ATP2B2: variants seen among roughly 807,000 people sequenced by gnomAD.
ATP2B2 encodes the protein plasma membrane calcium-transporting ATPase 2.
ATP2B2 carries 15 observed loss-of-function variants against 120.0 expected under a neutral mutation model. The observed-to-expected ratio is 0.12, with a 90% CI of 0.08 to 0.19. The LOEUF is 0.19. Among genes scored for constraint, ATP2B2 ranks in the 10% least tolerant of loss-of-function variants. The probability of loss-of-function intolerance (pLI) is 1.00; values close to 1 mark genes in which losing one functional copy is unlikely to be tolerated. For missense variants in ATP2B2, 1,045 were observed against 1,719.8 expected, an observed-to-expected ratio of 0.61 and a Z score of 6.94; for synonymous variants, 694 against 700.3, an observed-to-expected ratio of 0.99 and a Z score of 0.14.
At chr3:10,492,470 C>T (rs2065970583) in intron 1 of ATP2B2, among the ~76,000 whole-genome samples, 1 of 152,190 alleles carries the variant, frequency 6.6e-6, no homozygotes, top group South Asian at 2.1e-4. Flanking sequence ...CCCTTGGAGA[C>T]TCTTTCTCTG....
rs1330233433 is a variant in ATP2B2 at position 10,327,714 on chromosome 3, T to A, written c.*1100A>T. 1.3e-5 allele frequency: 2 copies of A among 152,704 alleles called. No homozygotes were observed. The highest frequency in any genetic ancestry group is 2.4e-5 in the African/African-American group (1 of 41,464). The allele number at this position is 152,704 out of a possible 1,614,324, so 9.5% of individuals were successfully genotyped here. On this transcript the variant is annotated 3_prime_UTR_variant, in exon 23 of 23. Transcript: ENST00000360273. Reference sequence around the variant, plus strand: ...CAGATCCTGGCATCCTTGGGCCGGATGGCCGTTAGTGTTGCAAACCCAGGA... The same window carrying A: ...CAGATCCTGGCATCCTTGGGCCGGAAGGCCGTTAGTGTTGCAAACCCAGGA...
intron 3 of ATP2B2, among the ~76,000 whole-genome samples, chr3:10,530,548 C>A (rs2067190830): frequency 6.6e-6 from 1 of 152,178 alleles, no homozygotes; most frequent in African/African-American, 2.4e-5. Flanking sequence ...TGTTCCCTTC[C>A]CTGAGTTTTA....
intron 14 of ATP2B2, among the ~76,000 whole-genome samples, chr3:10,352,023 G>C (rs556267553): frequency 6.6e-6 from 1 of 152,362 alleles, no homozygotes; most frequent in Non-Finnish European, 1.5e-5. Flanking sequence ...TAGAAAACTA[G>C]TACAAAGAGT....
chr3:10,614,572 A>G (rs1293552356), intron 2 of ATP2B2, among the ~76,000 whole-genome samples: 1 of 152,182 alleles, frequency 6.6e-6, no homozygotes. Flanking sequence ...CAGTCTCGTG[A>G]CTTGGGTTTT....
At chr3:10,675,292 C>T (rs1307134213) in intron 1 of ATP2B2, among the ~76,000 whole-genome samples, 1 of 152,238 alleles carries the variant, frequency 6.6e-6, no homozygotes, top group Admixed American at 6.5e-5. Flanking sequence ...TTTCAGTCAT[C>T]TCAGATTAGT....
intron 14 of ATP2B2, among the ~76,000 whole-genome samples, chr3:10,351,427 C>A (rs2060575562): frequency 6.6e-6 from 1 of 152,208 alleles, no homozygotes; most frequent in Admixed American, 6.5e-5. Context: ...TGGGAGAGAA[C>A]ATGTCAAGGG....
Position 10,553,342 on chromosome 3 carries a change from C to T in ATP2B2, c.-414-19209G>A, listed in dbSNP as rs533669203. 1.2e-3 allele frequency among the ~76,000 whole-genome samples: 181 copies of T among 152,240 alleles called. 1 individual carries two copies. Among genetic ancestry groups the T allele is most frequent in the African/African-American group, 4.1e-3 (170 of 41,534 alleles). ...CCTCAGCGCCCTGTTCCATGCCTGA[C>T]ACAGAGAGGGACCTTGAAAAAGCTA... On this transcript the variant is annotated intron_variant, in intron 2 of 21. Coordinates refer to the ATP2B2 transcript ENST00000646379.
In ATP2B2 at chr3:10,660,425, G is replaced by A. The variant is rs375329237; in HGVS notation, c.-459-40464C>T. Among the ~76,000 whole-genome samples, 11 of 152,218 alleles carry A rather than the reference G, an allele frequency of 7.2e-5. No individual in the cohort carries two copies. In the South Asian group the frequency reaches 1.0e-3, roughly 14 times the overall value. On this transcript the variant is annotated intron_variant, in intron 1 of 21. Transcript: ENST00000646379. ...AAATGATAAAGGGGATATCACCAGC[G>A]ATCCCACAGAAATACAAAATACCAT...
chr3:10,441,399 C>T (rs1217961928), intron 2 of ATP2B2, among the ~76,000 whole-genome samples: 1 of 152,128 alleles, frequency 6.6e-6, no homozygotes, highest in African/African-American at 2.4e-5. Flanking sequence ...GCCATCACAC[C>T]CAGCTCATTT....
chr3:10,400,316 A>G (rs2062176104), intron 5 of ATP2B2, among the ~76,000 whole-genome samples: 2 of 152,072 alleles, frequency 1.3e-5, no homozygotes, highest in African/African-American at 2.4e-5. Flanking sequence ...CACTCTCTCT[A>G]TTTCACTGCA....
At chr3:10,436,608 G>A (rs1483854186) in intron 2 of ATP2B2, among the ~76,000 whole-genome samples, 3 of 152,178 alleles carry the variant, frequency 2.0e-5, no homozygotes, top group South Asian at 2.1e-4. Context: ...TTAGTGAGTC[G>A]TGCCACTGAT....
intron 1 of ATP2B2, among the ~76,000 whole-genome samples, chr3:10,644,280 T>C (rs2070254633): frequency 6.6e-6 from 1 of 152,062 alleles, no homozygotes; most frequent in Non-Finnish European, 1.5e-5. Context: ...GGCAAGGGTG[T>C]GGAGAAATTG....
intron 8 of ATP2B2, among the ~76,000 whole-genome samples, chr3:10,381,139 C>T (rs1199703414): frequency 6.6e-6 from 1 of 152,232 alleles, no homozygotes; most frequent in African/African-American, 2.4e-5. Flanking sequence ...TCGCCCAGCA[C>T]TGTCTGTTCA....
chr3:10,344,378 G>T (rs921457544), intron 18 of ATP2B2, among the ~76,000 whole-genome samples: 1 of 152,224 alleles, frequency 6.6e-6, no homozygotes, highest in Non-Finnish European at 1.5e-5. Flanking sequence ...CTGAGCAAAA[G>T]GAAGCCCCCA....
At chr3:10,546,491 G>A (rs1291994539) in intron 2 of ATP2B2, among the ~76,000 whole-genome samples, 1 of 152,098 alleles carries the variant, frequency 6.6e-6, no homozygotes, top group Non-Finnish European at 1.5e-5. Context: ...GCCTGGTCCC[G>A]CCCCAGCTGC....
chr3:10,552,281 G>A (rs1052223597), intron 2 of ATP2B2, among the ~76,000 whole-genome samples: 1 of 152,228 alleles, frequency 6.6e-6, no homozygotes, highest in Non-Finnish European at 1.5e-5. Context: ...AGGGGAAGAG[G>A]GGGCCCTTCT....
intron 3 of ATP2B2, among the ~76,000 whole-genome samples, chr3:10,513,489 A>C (rs1208711174): frequency 6.6e-6 from 1 of 152,104 alleles, no homozygotes; most frequent in Non-Finnish European, 1.5e-5. Context: ...TCAGGATGGA[A>C]CCCGAAGATG....
intron 1 of ATP2B2, among the ~76,000 whole-genome samples, chr3:10,667,524 G>A (rs2070974938): frequency 6.6e-6 from 1 of 152,224 alleles, no homozygotes. Context: ...GTCTGCATCA[G>A]GAAGTCCCAC....
In ATP2B2 at chr3:10,347,400, G is replaced by C. The variant is rs1430889315; in HGVS notation, c.2405-1263C>G. Among the ~76,000 whole-genome samples the C allele has an allele frequency of 1.3e-5, 2 of 152,200 alleles. No homozygotes were observed. Among genetic ancestry groups the C allele is most frequent in the African/African-American group, 4.8e-5 (2 of 41,432 alleles). On this transcript the variant is annotated intron_variant, in intron 16 of 22. Transcript: ENST00000360273. This position sits in a 1 kb window ranked among gnomAD's most constrained non-coding sequence, Gnocchi z 5.2. ...TCAGATCCATGTAACTCTATGTGCTGCTCCATCCTTGCGCATCTCTCTGCT... is the reference window on the plus strand; with the variant it reads ...TCAGATCCATGTAACTCTATGTGCTCCTCCATCCTTGCGCATCTCTCTGCT...
Sources: gnomAD v4.1 joint callset for allele counts (sites outside exome capture counted in the v4.1 genomes callset) on GRCh38, gnomAD v4.1.1 for gene constraint, Gnocchi (gnomAD v3.1) non-coding constraint, MANE v1.5 for transcripts, NCBI Gene and HGNC (gene_info 2026-07-23, HGNC 2026-07-21) for gene names.